GAB1: variants seen among roughly 807,000 people sequenced by gnomAD.
GAB1 encodes the protein GRB2-associated-binding protein 1.
In GAB1, 19 loss-of-function variants were observed where a neutral mutation model predicts 66.5. The ratio of observed to expected loss-of-function variants is 0.29; its 90% confidence interval spans 0.20 to 0.42. GAB1 has a LOEUF of 0.42. GAB1 is among the 10% of genes least tolerant of loss of function. GAB1 has a pLI of 1.00. For missense variants in GAB1, 732 were observed against 858.5 expected (o/e 0.85, Z 1.84); for synonymous variants, 294 against 301.4 (o/e 0.98, Z 0.25).
chr4:143,444,339 G>A (rs145037616), intron 6 of GAB1, among the ~76,000 whole-genome samples: 1 of 152,276 alleles, frequency 6.6e-6, no homozygotes, highest in Non-Finnish European at 1.5e-5. Context: ...TTCTGCAACA[G>A]TCTGAACATT....
intron 1 of GAB1, among the ~76,000 whole-genome samples, chr4:143,339,443 G>A (rs1247066022): frequency 6.6e-6 from 1 of 152,252 alleles, no homozygotes; most frequent in Non-Finnish European, 1.5e-5. Flanking sequence ...CCTGGGAGGT[G>A]GAGGTTGCAG....
At chr4:143,404,413 A>T (rs1204966448) in intron 1 of GAB1, among the ~76,000 whole-genome samples, 1 of 152,234 alleles carries the variant, frequency 6.6e-6, no homozygotes, top group East Asian at 1.9e-4. Flanking sequence ...GCTTGTTAGG[A>T]TCTCAGGCAC....
chr4:143,437,097 C>T (rs889059961), intron 3 of GAB1, among the ~76,000 whole-genome samples: 4 of 152,104 alleles, frequency 2.6e-5, no homozygotes, highest in African/African-American at 9.7e-5. Flanking sequence ...GGAGACTTTA[C>T]AGAGCGTAGT....
In GAB1 at chr4:143,438,413, T is replaced by C; in HGVS notation, c.1008T>C (p.Thr336=). Reference sequence around the variant, plus strand: ...TGGGACAGACATCAAAGCTAGACACTATTCCAGATATTCCTCCACCTCGGC... The same window carrying C: ...TGGGACAGACATCAAAGCTAGACACCATTCCAGATATTCCTCCACCTCGGC... ...GTLGQTSKLD[T]IPDIPPPRPP... is the part of the protein sequence containing the mutation. The change falls in exon 4 of 10, where the codon ACT becomes ACC. Residue 336 remains threonine (T), a synonymous_variant. Transcript: ENST00000262994. The C allele has an allele frequency of 6.2e-7, 1 of 1,613,982 alleles. No homozygotes were observed. The highest frequency in any genetic ancestry group is 8.5e-7 in the Non-Finnish European group (1 of 1,179,972).
chr4:143,399,248 A>G (rs1731622901), intron 1 of GAB1, among the ~76,000 whole-genome samples: 1 of 152,258 alleles, frequency 6.6e-6, no homozygotes. Context: ...TAAGAAAGCA[A>G]TATACTACCT....
At chr4:143,443,056 G>T (rs28925917) in intron 6 of GAB1, among the ~76,000 whole-genome samples, 40 of 125,692 alleles carry the variant, frequency 3.2e-4, no homozygotes, top group African/African-American at 1.1e-3. Context: ...TCGCTCTGTT[G>T]CCCAGGCTGG....
intron 6 of GAB1, among the ~76,000 whole-genome samples, chr4:143,449,634 AT>A (rs1734792264): frequency 6.6e-6 from 1 of 151,396 alleles, no homozygotes. Context: ...TTTGTTTTCC[AT>A]TTGCTTGGTA....
In GAB1 at chr4:143,466,531, C is replaced by T. The variant is rs951916883; in HGVS notation, c.1926+306C>T. Among the ~76,000 whole-genome samples the T allele has an allele frequency of 5.2e-5, 7 of 135,906 alleles. No homozygotes were observed. The East Asian group carries it at 6.4e-4, about 12-fold the overall frequency. 89.2% of individuals were successfully genotyped at this position (135,906 alleles called of 152,430 possible). On this transcript the variant is annotated intron_variant, in intron 9 of 9. Transcript: ENST00000262994. ...TTGAGACAGAGTCTTGCTCTGTTGC[C>T]CAGGCTGGAGTGCAGTAGTGTGATC...
In GAB1 at chr4:143,440,366, C is replaced by T. The variant is rs1734163849; in HGVS notation, c.1569C>T (p.Leu523=). Residue 523 remains leucine, a synonymous_variant, in exon 6 of 10, where the codon CTC becomes CTT. Coordinates refer to ENST00000262994, the MANE Select transcript of GAB1 (RefSeq NM_002039.4). The part of the protein sequence containing the change: ...DCEPPPVDRN[L]KPDRKVKPAP... ...AACCACCCCCCGTGGATAGGAACCT[C>T]AAGCCAGACAGAAAAGGTAAGGAGA... is the stretch of plus-strand genomic sequence containing the variant. 2 of 1,610,586 alleles carry T rather than the reference C, an allele frequency of 1.2e-6. No individual in the cohort carries two copies. Among genetic ancestry groups the T allele is most frequent in the South Asian group, 1.1e-5 (1 of 90,672 alleles).
intron 1 of GAB1, among the ~76,000 whole-genome samples, chr4:143,383,860 A>G (rs1201790105): frequency 6.6e-6 from 1 of 152,188 alleles, no homozygotes; most frequent in African/African-American, 2.4e-5. Flanking sequence ...GGATCACTTG[A>G]GGCCAGGAGT....
At position 143,433,597 on chromosome 4, in the gene GAB1, ACCT is replaced by A; in HGVS notation, c.480_482del (p.Pro161del). 1 of 1,613,792 alleles carries A rather than the reference ACCT, an allele frequency of 6.2e-7. No homozygotes were observed. Among genetic ancestry groups the A allele is most frequent in the Non-Finnish European group, 8.5e-7 (1 of 1,179,798 alleles). On this transcript the variant is annotated inframe_deletion, in exon 3 of 10. Coordinates refer to ENST00000262994, the MANE Select transcript of GAB1 (RefSeq NM_002039.4). Reference sequence around the variant, plus strand: ...AGGCAGATTCATCCTCTGCTACTCTACCTCCTCCATATCAGCTAATCAATGTTC... The same window carrying A: ...AGGCAGATTCATCCTCTGCTACTCTACCTCCATATCAGCTAATCAATGTTC...
intron 2 of GAB1, among the ~76,000 whole-genome samples, chr4:143,429,616 T>G (rs965840041): frequency 6.6e-6 from 1 of 152,086 alleles, no homozygotes; most frequent in Non-Finnish European, 1.5e-5. Flanking sequence ...AGGAACCCTG[T>G]ACGGGGACTG....
intron 7 of GAB1, among the ~76,000 whole-genome samples, 155 bp from the exon 8 acceptor site, chr4:143,460,209 C>CA (rs1331554012): frequency 2.0e-5 from 3 of 151,900 alleles, no homozygotes; most frequent in Admixed American, 6.6e-5. Context: ...TGTTTGTACA[C>CA]AAAAATTACA....
chr4:143,401,993 AC>A (rs1731801281), intron 1 of GAB1, among the ~76,000 whole-genome samples: 1 of 152,150 alleles, frequency 6.6e-6, no homozygotes, highest in Non-Finnish European at 1.5e-5. Flanking sequence ...CCACCACAGT[AC>A]TTTAAGAGGC....
intron 1 of GAB1, among the ~76,000 whole-genome samples, chr4:143,347,376 CA>C (rs1412663196): frequency 1.3e-5 from 2 of 152,218 alleles, no homozygotes; most frequent in African/African-American, 4.8e-5. Flanking sequence ...ATTACAAAAA[CA>C]ATAGCTATAT....
intron 6 of GAB1, among the ~76,000 whole-genome samples, chr4:143,446,497 G>C (rs1047479987): frequency 6.0e-5 from 9 of 151,256 alleles, no homozygotes; most frequent in Admixed American, 2.0e-4. Flanking sequence ...TAACTGGTGT[G>C]AGATGGTATC....
chr4:143,453,770 T>G (rs1735047002), intron 6 of GAB1, among the ~76,000 whole-genome samples: 1 of 152,210 alleles, frequency 6.6e-6, no homozygotes, highest in Non-Finnish European at 1.5e-5. Flanking sequence ...ATTCACAGAA[T>G]TTAAATTCTA....
At chr4:143,366,613 C>T (rs1729889151) in intron 1 of GAB1, among the ~76,000 whole-genome samples, 1 of 151,960 alleles carries the variant, frequency 6.6e-6, no homozygotes, top group Non-Finnish European at 1.5e-5. Flanking sequence ...TTGTTATTCC[C>T]TCACTATCAC....
chr4:143,423,148 C>T (rs1733109083), intron 2 of GAB1, among the ~76,000 whole-genome samples: 1 of 152,166 alleles, frequency 6.6e-6, no homozygotes, highest in Non-Finnish European at 1.5e-5. Context: ...CAGTGCAATG[C>T]TTGTATTAAA....
Sources: allele counts gnomAD v4.1 joint callset (sites outside exome capture counted in the v4.1 genomes callset), GRCh38; gene constraint gnomAD v4.1.1; transcripts MANE v1.5; gene names NCBI Gene and HGNC (gene_info 2026-07-23, HGNC 2026-07-21).